Variants in RBM33 observed in about 807,000 individuals in gnomAD.
RBM33 encodes the protein RNA-binding protein 33.
RBM33 carries 28 observed loss-of-function variants against 132.6 expected under a neutral mutation model. The ratio of observed to expected loss-of-function variants is 0.21; its 90% CI spans 0.16 to 0.29. The LOEUF is 0.29. Among genes scored for constraint, RBM33 ranks in the 10% least tolerant of loss-of-function variants. RBM33 has a pLI of 1.00. For missense variants in RBM33, 1,291 were observed against 1,518.5 expected (o/e 0.85, Z 2.49); for synonymous variants, 634 against 593.0 (o/e 1.07, Z -1.01).
At chr7:155,704,982 A>G (rs1800072835) in intron 6 of RBM33, among the ~76,000 whole-genome samples, 1 of 152,146 alleles carries the variant, frequency 6.6e-6, no homozygotes, top group South Asian at 2.1e-4. Flanking sequence ...TCAGACTGTC[A>G]TTTGTTATTT....
rs1801190801 is a variant in RBM33 at position 155,738,169 on chromosome 7, G to T, written c.1503G>T (p.Gln501His). 6.2e-7 allele frequency: 1 copy of T among 1,613,802 alleles called. No homozygotes were observed. Among genetic ancestry groups the T allele is most frequent in the Admixed American group, 1.7e-5 (1 of 59,998 alleles). ...ACAGTAGCCATCCTGTTCCTACTCAGAGTCCTCTACCATTCACTCAGCCAG... is the reference window on the plus strand; with the variant it reads ...ACAGTAGCCATCCTGTTCCTACTCATAGTCCTCTACCATTCACTCAGCCAG... ...LLNSSHPVPT[Q>H]SPLPFTQPGP... The change falls in exon 11 of 18, where the codon CAG becomes CAT. Residue 501 changes from glutamine (Q) to histidine (H), a missense_variant. This residue lies in a region of RBM33 where 841 missense variants were observed against 912.0 expected (regional missense o/e 0.92). Coordinates refer to ENST00000401878, the MANE Select transcript of RBM33 (RefSeq NM_053043.3).
chr7:155,750,004 A>G (rs899852659), intron 14 of RBM33, among the ~76,000 whole-genome samples: 1 of 152,104 alleles, frequency 6.6e-6, no homozygotes, highest in Non-Finnish European at 1.5e-5. Flanking sequence ...GTGAATTTCC[A>G]TTTTTTTCCC....
At chr7:155,749,674 A>G (rs1247844605) in intron 14 of RBM33, among the ~76,000 whole-genome samples, 2 of 152,214 alleles carry the variant, frequency 1.3e-5, no homozygotes, top group Non-Finnish European at 2.9e-5. Context: ...GCCTGGAACA[A>G]TAGGCTGAGA....
chr7:155,737,789 C>A (rs1450902922), intron 10 of RBM33, 127 bp downstream of exon 10: 2 of 1,112,242 alleles, frequency 1.8e-6, no homozygotes, highest in Non-Finnish European at 1.3e-6. Context: ...GGTTTTTGTA[C>A]CATAGCAGTT....
intron 5 of RBM33, 25 bp from the exon 6 acceptor site, chr7:155,700,748 T>C (rs1799938154): frequency 2.0e-6 from 3 of 1,510,132 alleles, no homozygotes; most frequent in Non-Finnish European, 2.7e-6. Context: ...CTGTCCTTTT[T>C]TTGCCTTGTG....
chr7:155,745,448 C>T lies in RBM33; in HGVS notation c.2825C>T (p.Ala942Val), dbSNP rs2117037443. The T allele has an allele frequency of 6.2e-7, 1 of 1,613,854 alleles. No homozygotes were observed. The highest frequency in any genetic ancestry group is 8.5e-7 in the Non-Finnish European group (1 of 1,179,850). ...PIKPADVEEPAVPQTPRVASI... is the reference protein window; with the variant it reads ...PIKPADVEEPVVPQTPRVASI... ...AAACCTGCAGATGTGGAGGAGCCAG[C>T]TGTCCCCCAGACTCCTCGAGTGGCG... The change falls in exon 14 of 18, where the codon GCT becomes GTT. Residue 942 changes from alanine (A) to valine (V), a missense_variant. By Grantham distance (64) the Ala-to-Val change is moderately conservative (BLOSUM62 0). Coordinates refer to ENST00000401878, the MANE Select transcript of RBM33 (RefSeq NM_053043.3). This position sits in a 1 kb window ranked among gnomAD's most constrained non-coding sequence, Gnocchi z 4.1.
chr7:155,722,426 C>A (rs1800656135), intron 9 of RBM33, among the ~76,000 whole-genome samples: 1 of 152,154 alleles, frequency 6.6e-6, no homozygotes, highest in Non-Finnish European at 1.5e-5. Context: ...AGGCTAGTTA[C>A]CTTTCTGAAA....
chr7:155,771,189 CTA>C (rs779622888), intron 16 of RBM33, among the ~76,000 whole-genome samples: 93 of 152,196 alleles, frequency 6.1e-4, no homozygotes, highest in African/African-American at 2.2e-3. Flanking sequence ...AGTTTTAACT[CTA>C]TGATAGCGTG....
At chr7:155,654,498 C>G (rs1480797534) in intron 1 of RBM33, among the ~76,000 whole-genome samples, 1 of 152,204 alleles carries the variant, frequency 6.6e-6, no homozygotes, top group East Asian at 1.9e-4. Context: ...ATCTTTACCA[C>G]CTTTTCTTTC....
At position 155,740,549 on chromosome 7, in the gene RBM33, G is replaced by A. The variant is rs538254015; in HGVS notation, c.2049+523G>A. On this transcript the variant is annotated intron_variant, in intron 12 of 17. Coordinates refer to ENST00000401878, the MANE Select transcript of RBM33 (RefSeq NM_053043.3). ...TCCTTCAAGGAGCTTATACTCAGTC[G>A]AGGGAGATTAGCATACATTTATTTG... Among the ~76,000 whole-genome samples, 8 of 152,354 alleles carry A rather than the reference G, an allele frequency of 5.3e-5. No homozygotes were observed. The South Asian group carries it at 1.7e-3, about 32-fold the overall frequency.
chr7:155,673,767 C>CGT (rs2116909436), intron 3 of RBM33, among the ~76,000 whole-genome samples: 1 of 116,448 alleles, frequency 8.6e-6, no homozygotes. Flanking sequence ...CGCGCATGCG[C>CGT]GCACACACAC....
chr7:155,755,297 T>C (rs1801814047), intron 14 of RBM33, among the ~76,000 whole-genome samples: 1 of 152,234 alleles, frequency 6.6e-6, no homozygotes, highest in Non-Finnish European at 1.5e-5. Context: ...CCTGTCCTTC[T>C]GTGTGTCCTG....
intron 16 of RBM33, among the ~76,000 whole-genome samples, chr7:155,768,326 G>T (rs1802290957): frequency 6.6e-6 from 1 of 152,196 alleles, no homozygotes; most frequent in African/African-American, 2.4e-5. Flanking sequence ...TTTCTGTCTT[G>T]TCTTTTAAAT....
intron 9 of RBM33, among the ~76,000 whole-genome samples, chr7:155,722,334 T>C (rs1253173253): frequency 2.0e-5 from 3 of 152,212 alleles, no homozygotes; most frequent in Admixed American, 6.5e-5. Flanking sequence ...TTTTTGTTCA[T>C]GTCAGGAATG....
At chr7:155,764,063 G>A (rs557495530) in intron 15 of RBM33, 45 bp downstream of exon 15, 11 of 1,425,592 alleles carry the variant, frequency 7.7e-6, no homozygotes, top group African/African-American at 5.7e-5. Flanking sequence ...CGCGAAGGCC[G>A]GTGTGAGGCA....
chr7:155,684,317 C>T (rs1469302446), intron 5 of RBM33, among the ~76,000 whole-genome samples: 16 of 152,174 alleles, frequency 1.1e-4, no homozygotes, highest in Admixed American at 1.0e-3. Flanking sequence ...CACTTGTTAG[C>T]AATACCAGAA....
chr7:155,661,097 G>GGTGTGTGTGTGT (rs59345780), intron 1 of RBM33, among the ~76,000 whole-genome samples: 1 of 110,152 alleles, frequency 9.1e-6, no homozygotes, highest in Non-Finnish European at 1.7e-5. Context: ...GTGTGTGTGT[G>GGTGTGTGTGTGT]GTGTGTGTGT....
intron 15 of RBM33, among the ~76,000 whole-genome samples, chr7:155,765,014 G>A (rs1392008221): frequency 2.0e-5 from 3 of 152,210 alleles, no homozygotes; most frequent in Non-Finnish European, 4.4e-5. Context: ...GATCGCTGTG[G>A]TCTGAATTTT....
intron 14 of RBM33, among the ~76,000 whole-genome samples, chr7:155,760,918 A>G (rs955722564): frequency 2.4e-4 from 37 of 152,004 alleles, no homozygotes; most frequent in African/African-American, 7.7e-4. Context: ...TTCCATTTTC[A>G]TGTGGGGGTT....
Sources: allele counts gnomAD v4.1 joint callset (sites outside exome capture counted in the v4.1 genomes callset), GRCh38; gene constraint gnomAD v4.1.1; regional missense constraint gnomAD v4.1.1; non-coding constraint Gnocchi (gnomAD v3.1); transcripts MANE v1.5; gene names NCBI Gene and HGNC (gene_info 2026-07-23, HGNC 2026-07-21).